Variants in SAMD5 observed in about 807,000 individuals in gnomAD.
SAMD5 encodes the protein sterile alpha motif domain containing 5, also known as sterile alpha motif domain-containing protein 5.
A neutral mutation model predicts 11.3 loss-of-function variants in SAMD5; 13 were observed. That is an observed-to-expected ratio of 1.15 (90% confidence interval 0.75 to 1.83). The LOEUF is 1.83. Ranked by LOEUF, SAMD5 falls within the 40% of genes most tolerant of loss-of-function variation. The pLI, the probability that SAMD5 is intolerant of heterozygous loss-of-function variation, is 0.00. For synonymous variants in SAMD5, 129 were observed against 111.3 expected (o/e 1.16, Z -1.00); for missense variants, 255 against 239.1 (o/e 1.07, Z -0.44).
At chr6:147,610,314 G>A (rs535644021) in intron 1 of SAMD5, among the ~76,000 whole-genome samples, 1 of 152,196 alleles carries the variant, frequency 6.6e-6, no homozygotes, top group African/African-American at 2.4e-5. Context: ...AAAAATAGGA[G>A]GAAAAAAATG....
In SAMD5 at chr6:147,688,507, G is replaced by A. The variant is rs539997741; in HGVS notation, c.163-48810G>A. Among the ~76,000 whole-genome samples, 4 of 152,278 alleles carry A rather than the reference G, an allele frequency of 2.6e-5. No individual in the cohort carries two copies. The East Asian group carries it at 5.8e-4, about 22-fold the overall frequency. ...ATTTGAAATTTGGTTTTAACCTTGC[G>A]AATGCTGGTCTATTTCTAGTTCATT... On this transcript the variant is annotated intron_variant, in intron 1 of 1. Coordinates refer to the SAMD5 transcript ENST00000566741.
At chr6:147,754,942 C>T in the SAMD5 span, among the ~76,000 whole-genome samples, 1 of 152,094 alleles carries the variant, frequency 6.6e-6, no homozygotes, top group East Asian at 1.9e-4. Flanking sequence ...ATGCCAGTAC[C>T]ATGCTGTTTT....
At chr6:147,909,588 C>G in the SAMD5 span, among the ~76,000 whole-genome samples, 3 of 67,200 alleles carry the variant, frequency 4.5e-5, no homozygotes, top group South Asian at 2.2e-3. Flanking sequence ...TTCTTTCTTT[C>G]TTTCTTTCTT....
the SAMD5 span, among the ~76,000 whole-genome samples, chr6:147,799,621 A>G: frequency 1.6e-4 from 24 of 151,800 alleles, 1 homozygote; most frequent in Non-Finnish European, 1.5e-5. Flanking sequence ...GGCCTGCCTT[A>G]CTAGATTGGG....
chr6:147,742,720 G>A, the SAMD5 span, among the ~76,000 whole-genome samples: 18 of 152,142 alleles, frequency 1.2e-4, no homozygotes, highest in Non-Finnish European at 2.2e-4. Context: ...GAGGCTTCCC[G>A]AAGATTAAGA....
chr6:147,945,439 C>T, the SAMD5 span, among the ~76,000 whole-genome samples: 1,863 of 152,270 alleles, frequency 0.012, 15 homozygotes, highest in Non-Finnish European at 0.019. Flanking sequence ...AACCCCCAAA[C>T]GTTATTTATC....
chr6:147,713,420 G>A (rs1342911000), intron 1 of SAMD5, among the ~76,000 whole-genome samples: 2 of 152,248 alleles, frequency 1.3e-5, no homozygotes, highest in Admixed American at 6.5e-5. Context: ...AGAAGAATGA[G>A]GACATAACCT....
At chr6:147,787,485 A>G in the SAMD5 span, among the ~76,000 whole-genome samples, 12 of 152,206 alleles carry the variant, frequency 7.9e-5, no homozygotes, top group African/African-American at 2.7e-4. Context: ...ATAAGAATTA[A>G]AGAGATCCAC....
chr6:147,569,324 G>A lies in SAMD5; in HGVS notation c.*4868G>A, dbSNP rs1789099006. 3.9e-6 allele frequency: 2 copies of A among 517,510 alleles called. No individual in the cohort carries two copies. Among genetic ancestry groups the A allele is most frequent in the Non-Finnish European group, 5.0e-6 (2 of 403,778 alleles). The allele number at this position is 517,510 out of a possible 1,614,324, so 32.1% of individuals were successfully genotyped here. A position where few individuals can be genotyped will look rare whatever the true frequency, so the allele number is the denominator to read the frequency against. On this transcript the variant is annotated 3_prime_UTR_variant, in exon 2 of 2. Coordinates refer to ENST00000367474, the MANE Select transcript of SAMD5 (RefSeq NM_001030060.3). ...AATTGTTTAAACTCCTGGAAATTAA[G>A]TGTTATTTTTTATTACTGCAGTTGA...
At chr6:147,579,454 A>ATTTTT (rs3031353) in intron 1 of SAMD5, among the ~76,000 whole-genome samples, 5 of 76,918 alleles carry the variant, frequency 6.5e-5, no homozygotes, top group Non-Finnish European at 1.1e-4. Flanking sequence ...CAGGCTTTGA[A>ATTTTT]TTTTTTTTTT....
the SAMD5 span, among the ~76,000 whole-genome samples, chr6:147,899,170 CAAAAA>C: frequency 1.6e-5 from 1 of 62,624 alleles, no homozygotes; most frequent in African/African-American, 7.1e-5. Flanking sequence ...GACTCTGTCT[CAAAAA>C]AAAAAAAAAA....
At chr6:147,592,413 C>T (rs1789469066) in intron 1 of SAMD5, among the ~76,000 whole-genome samples, 1 of 151,966 alleles carries the variant, frequency 6.6e-6, no homozygotes, top group Non-Finnish European at 1.5e-5. Flanking sequence ...GCGGGAGAGG[C>T]ACTTCACATG....
rs191145129 is a variant in SAMD5 at position 147,629,203 on chromosome 6, A to C, written c.163-108114A>C. 9.0e-4 allele frequency among the ~76,000 whole-genome samples: 137 copies of C among 152,262 alleles called. 1 individual carries two copies. The highest frequency in any genetic ancestry group is 3.2e-3 in the African/African-American group (135 of 41,546). ...TGAGCACTTGTAATCTCAGCTACTC[A>C]GGAGGTTGGGGCAGGAGAATTCCTT... On this transcript the variant is annotated intron_variant, in intron 1 of 1. Coordinates refer to the SAMD5 transcript ENST00000566741.
intron 1 of SAMD5, among the ~76,000 whole-genome samples, chr6:147,563,456 T>A (rs1423810017): frequency 6.6e-6 from 1 of 152,212 alleles, no homozygotes; most frequent in African/African-American, 2.4e-5. Flanking sequence ...AGTTTTCCAA[T>A]TCAATAAGCA....
At chr6:147,559,052 G>T (rs1462617132) in intron 1 of SAMD5, among the ~76,000 whole-genome samples, 1 of 152,128 alleles carries the variant, frequency 6.6e-6, no homozygotes, top group East Asian at 1.9e-4. Context: ...TTAAATAATG[G>T]TTGAAAGTAC....
At chr6:147,952,523 TG>T in the SAMD5 span, among the ~76,000 whole-genome samples, 16 of 152,194 alleles carry the variant, frequency 1.1e-4, no homozygotes, top group African/African-American at 2.9e-4. Context: ...TTTGTTTGTT[TG>T]TTTCGAGACA....
chr6:147,735,547 A>AATCCG, intron 1 of SAMD5, among the ~76,000 whole-genome samples: 1 of 152,228 alleles, frequency 6.6e-6, no homozygotes, highest in East Asian at 1.9e-4. Context: ...TTCTGAATAG[A>AATCCG]AACTAAATGT....
intron 1 of SAMD5, among the ~76,000 whole-genome samples, chr6:147,632,662 G>T (rs905945321): frequency 1.3e-5 from 2 of 152,182 alleles, no homozygotes; most frequent in African/African-American, 4.8e-5. Flanking sequence ...CAGTCCTTGG[G>T]TAAGAATTTC....
At chr6:147,861,727 A>C in the SAMD5 span, among the ~76,000 whole-genome samples, 1 of 152,182 alleles carries the variant, frequency 6.6e-6, no homozygotes, top group African/African-American at 2.4e-5. Flanking sequence ...CCTCGGGTCC[A>C]CTTCCATACC....
Sources: gnomAD v4.1 joint callset for allele counts (sites outside exome capture counted in the v4.1 genomes callset) on GRCh38, gnomAD v4.1.1 for gene constraint, MANE v1.5 for transcripts, NCBI Gene and HGNC (gene_info 2026-07-23, HGNC 2026-07-21) for gene names.